The following PACS2 variants were observed in gnomAD, a reference collection of about 807,000 sequenced individuals.
PACS2 encodes phosphofurin acidic cluster sorting protein 2.
Under a neutral mutation model 113.0 loss-of-function variants are expected in PACS2, and 36 were observed. The ratio of observed to expected loss-of-function variants is 0.32; its 90% CI spans 0.24 to 0.42. The LOEUF (loss-of-function observed/expected upper bound fraction) is 0.42, where lower values mean the gene tolerates loss of function less well. Among genes scored for constraint, PACS2 ranks in the 10% least tolerant of loss-of-function variants. The pLI, the probability that PACS2 is intolerant of heterozygous loss-of-function variation, is 1.00. For synonymous variants in PACS2, 589 were observed against 536.1 expected (o/e 1.10, Z -1.36); for missense variants, 1,015 against 1,239.5 (o/e 0.82, Z 2.72).
At chr14:105,375,257 A>G (rs1402788968) in intron 8 of PACS2, among the ~76,000 whole-genome samples, 1 of 152,132 alleles carries the variant, frequency 6.6e-6, no homozygotes, top group Non-Finnish European at 1.5e-5. Context: ...AGGCGGGTGG[A>G]TTACAAGGTC....
intron 1 of PACS2, among the ~76,000 whole-genome samples, chr14:105,325,572 C>T (rs1208063143): frequency 6.6e-6 from 1 of 152,236 alleles, no homozygotes; most frequent in Non-Finnish European, 1.5e-5. Flanking sequence ...GGCAGCTCAG[C>T]TCAGCAGCCC....
At chr14:105,364,641 T>C (rs1411465325) in intron 4 of PACS2, among the ~76,000 whole-genome samples, 1 of 151,318 alleles carries the variant, frequency 6.6e-6, no homozygotes, top group African/African-American at 2.4e-5. Context: ...TTTTGTAAAA[T>C]TTTTATTGTA....
Position 105,392,930 on chromosome 14 carries a change from G to GC in PACS2, c.2482+90dup, listed in dbSNP as rs1173535302. On this transcript the variant is annotated intron_variant, in intron 23 of 24. Coordinates refer to ENST00000447393, the MANE Select transcript of PACS2 (RefSeq NM_001100913.3). ...CGGCTCGCAGTCAACAGGGATGACA[G>GC]CCCCCGGGCTGGCCTCGGGCAGCCC... The GC allele has an allele frequency of 5.3e-6, 6 of 1,141,178 alleles. No individual in the cohort carries two copies. In the African/African-American group the frequency reaches 9.1e-5, roughly 17 times the overall value. 70.7% of individuals were successfully genotyped at this position (1,141,178 alleles called of 1,614,324 possible).
At position 105,370,293 on chromosome 14, in the gene PACS2, A is replaced by G. The variant is rs587702390; in HGVS notation, c.801+393A>G. On this transcript the variant is annotated intron_variant, in intron 8 of 24. Transcript: ENST00000447393. Reference sequence around the variant, plus strand: ...CACCTGACAGCCCCCCACTATTGACATGGGCCCCCCCTCCCCACCTGACAG... The same window carrying G: ...CACCTGACAGCCCCCCACTATTGACGTGGGCCCCCCCTCCCCACCTGACAG... 186 of 97,342 alleles carry G rather than the reference A, an allele frequency of 1.9e-3. 2 individuals carry two copies. Among genetic ancestry groups the G allele is most frequent in the Admixed American group, 0.014 (103 of 7,572 alleles). The allele number at this position is 97,342 out of a possible 1,614,324, so 6.0% of individuals were successfully genotyped here.
intron 24 of PACS2, chr14:105,393,550 A>C (rs1415033077): frequency 4.1e-6 from 2 of 482,442 alleles, no homozygotes; most frequent in East Asian, 3.6e-5. Context: ...TGCTTTTTAA[A>C]AATAATGACT....
At position 105,394,744 on chromosome 14, in the gene PACS2, A is replaced by G; in HGVS notation, c.*72A>G. On this transcript the variant is annotated 3_prime_UTR_variant, in exon 25 of 25. Transcript: ENST00000447393. ...CCAGCTGCATTTCTGTTAACATTTC[A>G]GTTTACTACAGAGACAGACGCTTAA... The G allele has an allele frequency of 1.1e-6, 1 of 937,334 alleles. No homozygotes were observed. Among genetic ancestry groups the G allele is most frequent in the East Asian group, 2.4e-5 (1 of 41,612 alleles). 58.1% of individuals were successfully genotyped at this position (937,334 alleles called of 1,614,324 possible). A position where few individuals can be genotyped will look rare whatever the true frequency, so the allele number is the denominator to read the frequency against.
At chr14:105,364,756 G>A (rs587710681) in intron 4 of PACS2, among the ~76,000 whole-genome samples, 224 of 148,422 alleles carry the variant, frequency 1.5e-3, no homozygotes, top group Admixed American at 2.6e-3. Context: ...GAGTGCAGTG[G>A]TGTGATCTTG....
At chr14:105,374,177 A>G (rs1158797208) in intron 8 of PACS2, among the ~76,000 whole-genome samples, 3 of 152,008 alleles carry the variant, frequency 2.0e-5, no homozygotes, top group Non-Finnish European at 2.9e-5. Context: ...AAAAACTTGA[A>G]ATGGATCAAA....
In PACS2 at chr14:105,355,400, A is replaced by G. The variant is rs1461868612; in HGVS notation, c.423+223A>G. Among the ~76,000 whole-genome samples, 3 of 152,214 alleles carry G rather than the reference A, an allele frequency of 2.0e-5. No homozygotes were observed. Among genetic ancestry groups the G allele is most frequent in the African/African-American group, 7.2e-5 (3 of 41,452 alleles). On this transcript the variant is annotated intron_variant, in intron 4 of 24. Coordinates refer to ENST00000447393, the MANE Select transcript of PACS2 (RefSeq NM_001100913.3). This position sits in a 1 kb window ranked among gnomAD's most constrained non-coding sequence, Gnocchi z 4.1. ...CTTGCCGCCTAGCATGGCTCCCCGC[A>G]TGCCTGCAGCCGCGCGCACTCCCCT... is the stretch of plus-strand genomic sequence containing the variant.
At chr14:105,375,798 T>G (rs1377383915) in intron 8 of PACS2, among the ~76,000 whole-genome samples, 1 of 152,332 alleles carries the variant, frequency 6.6e-6, no homozygotes, top group East Asian at 1.9e-4. Flanking sequence ...AACACACACA[T>G]GCATGGACCC....
chr14:105,304,777 C>G (rs981844839), intron 1 of PACS2, among the ~76,000 whole-genome samples: 3 of 152,226 alleles, frequency 2.0e-5, no homozygotes, highest in African/African-American at 7.2e-5. Context: ...TCACGTCTTA[C>G]GTGGATGGCA....
rs1555415483 is a variant in PACS2 at position 105,393,207 on chromosome 14, C to G, written c.2483-15C>G. The G allele has an allele frequency of 6.3e-7, 1 of 1,599,858 alleles. No homozygotes were observed. Among genetic ancestry groups the G allele is most frequent in the African/African-American group, 1.3e-5 (1 of 74,678 alleles). ...GAGCAGCAAGATGACAGCAGGGCCT[C>G]TTTTCTCCTCCCAGTGATGTTTCTG... On this transcript the variant is annotated splice_polypyrimidine_tract_variant and intron_variant, in intron 23 of 24. Transcript: ENST00000447393.
rs587602954 is a variant in PACS2, at chr14:105,331,069, C to G, written c.119+16032C>G. Among the ~76,000 whole-genome samples the G allele has an allele frequency of 2.0e-5, 3 of 152,162 alleles. No individual in the cohort carries two copies. The South Asian group carries it at 6.2e-4, about 32-fold the overall frequency. The stretch of plus-strand genomic sequence containing the variant: ...TCCAGGGTTCAGGTGATTCTCCTGC[C>G]TCAGCCTCCCGAGTAGCTGGGATTA... On this transcript the variant is annotated intron_variant, in intron 1 of 24. Transcript: ENST00000447393.
rs977218866 is a variant in PACS2 at position 105,330,896 on chromosome 14, A to T, written c.119+15859A>T. On this transcript the variant is annotated intron_variant, in intron 1 of 24. Coordinates refer to ENST00000447393, the MANE Select transcript of PACS2 (RefSeq NM_001100913.3). The surrounding 1 kb of genome is among the most constrained non-coding windows in gnomAD (Gnocchi z 6.9). ...TCTACCGGCATCTCACGTGATGTCA[A>T]CCTTCTGGGTCCTTGGGGCCTAGCC... Among the ~76,000 whole-genome samples the T allele has an allele frequency of 6.6e-6, 1 of 151,728 alleles. No individual in the cohort carries two copies. Among genetic ancestry groups the T allele is most frequent in the Admixed American group, 6.6e-5 (1 of 15,262 alleles).
Position 105,317,899 on chromosome 14 carries a change from T to C in PACS2, c.119+2862T>C, listed in dbSNP as rs1055940544. Among the ~76,000 whole-genome samples the C allele has an allele frequency of 6.6e-6, 1 of 152,172 alleles. No homozygotes were observed. The highest frequency in any genetic ancestry group is 2.4e-5 in the African/African-American group (1 of 41,438). On this transcript the variant is annotated intron_variant, in intron 1 of 24. Transcript: ENST00000447393. This position sits in a 1 kb window ranked among gnomAD's most constrained non-coding sequence, Gnocchi z 4.2. ...GCTGGGCTGTTGTTGGGGAGGCCTG[T>C]GCTCCGGGTTTCCTTGCGACGCTTT...
At chr14:105,353,186 G>GC (rs1363725946) in intron 3 of PACS2, among the ~76,000 whole-genome samples, 1 of 121,466 alleles carries the variant, frequency 8.2e-6, no homozygotes, top group Non-Finnish European at 1.7e-5. Context: ...GGGGTGACGG[G>GC]CCCCCCCAAT....
chr14:105,304,807 C>G (rs2058138007), intron 1 of PACS2, among the ~76,000 whole-genome samples: 1 of 152,262 alleles, frequency 6.6e-6, no homozygotes, highest in Admixed American at 6.5e-5. Flanking sequence ...GAGAGAGCTT[C>G]TGCAGGGAAA....
intron 9 of PACS2, among the ~76,000 whole-genome samples, chr14:105,378,164 T>A (rs1274782031): frequency 6.6e-6 from 1 of 152,232 alleles, no homozygotes; most frequent in Non-Finnish European, 1.5e-5. Flanking sequence ...TTTCTGTCTT[T>A]AACGGCTCAC....
rs781949430 is a variant in PACS2 at position 105,355,208 on chromosome 14, G to A, written c.423+31G>A. 3.7e-6 allele frequency: 6 copies of A among 1,601,936 alleles called. No homozygotes were observed. The highest frequency in any genetic ancestry group is 4.5e-5 in the East Asian group (2 of 44,630). On this transcript the variant is annotated intron_variant, in intron 4 of 24. Coordinates refer to ENST00000447393, the MANE Select transcript of PACS2 (RefSeq NM_001100913.3). This position sits in a 1 kb window ranked among gnomAD's most constrained non-coding sequence, Gnocchi z 4.1. Reference sequence around the variant, plus strand: ...TGCTCCGTCTGGCGTGGCCTGCGTCGGGCTGGCCACCTGGGTGCCAGAGCA... The same window carrying A: ...TGCTCCGTCTGGCGTGGCCTGCGTCAGGCTGGCCACCTGGGTGCCAGAGCA...
Sources: allele counts gnomAD v4.1 joint callset (sites outside exome capture counted in the v4.1 genomes callset), GRCh38; gene constraint gnomAD v4.1.1; non-coding constraint Gnocchi (gnomAD v3.1); transcripts MANE v1.5; gene names NCBI Gene and HGNC (gene_info 2026-07-23, HGNC 2026-07-21).